The following FGF12 variants were observed in gnomAD, a reference collection of about 807,000 sequenced individuals.
FGF12 encodes fibroblast growth factor 12.
Under a neutral mutation model 23.6 loss-of-function variants are expected in FGF12, and 14 were observed. The observed-to-expected ratio is 0.59, with a 90% CI of 0.39 to 0.93. FGF12 has a LOEUF of 0.93. Among genes scored for constraint, FGF12 ranks in the 40% least tolerant of loss-of-function variants. FGF12 has a pLI of 0.00. For synonymous variants in FGF12, 62 were observed against 77.3 expected (o/e 0.80, Z 1.04); for missense variants, 175 against 217.8 (o/e 0.80, Z 1.24).
At chr3:192,433,565 T>C (rs1231764352) in intron 2 of FGF12, among the ~76,000 whole-genome samples, 5 of 152,200 alleles carry the variant, frequency 3.3e-5, no homozygotes, top group Non-Finnish European at 7.3e-5. Flanking sequence ...AACATAAATG[T>C]TAACAATATT....
intron 5 of FGF12, among the ~76,000 whole-genome samples, chr3:192,156,055 T>C (rs1435222456): frequency 6.6e-6 from 1 of 152,134 alleles, no homozygotes; most frequent in Non-Finnish European, 1.5e-5. Context: ...GGTGCTAGAA[T>C]TTTTTTTAAA....
At chr3:192,306,332 A>G (rs1025603864) in intron 4 of FGF12, among the ~76,000 whole-genome samples, 14 of 152,106 alleles carry the variant, frequency 9.2e-5, no homozygotes, top group Non-Finnish European at 1.5e-5. Flanking sequence ...AACCAGGTAT[A>G]CATAAAAACG....
At chr3:192,620,240 A>G (rs548804822) in intron 2 of FGF12, among the ~76,000 whole-genome samples, 79 of 69,312 alleles carry the variant, frequency 1.1e-3, no homozygotes, top group African/African-American at 4.0e-3. Context: ...TTACACACAC[A>G]CGCGCGCGCG....
At chr3:192,457,594 C>A (rs531045797) in intron 2 of FGF12, among the ~76,000 whole-genome samples, 2 of 152,138 alleles carry the variant, frequency 1.3e-5, no homozygotes, top group South Asian at 4.2e-4. Context: ...AGGTATCTGG[C>A]GGAAGAAATT....
chr3:192,255,355 G>A (rs1476507247), intron 4 of FGF12, among the ~76,000 whole-genome samples: 1 of 151,890 alleles, frequency 6.6e-6, no homozygotes, highest in Non-Finnish European at 1.5e-5. Flanking sequence ...TGGGGGAGAG[G>A]TATACTAATT....
chr3:192,403,613 A>G (rs1720849045), intron 2 of FGF12, among the ~76,000 whole-genome samples: 1 of 151,730 alleles, frequency 6.6e-6, no homozygotes, highest in Non-Finnish European at 1.5e-5. Context: ...TAGTTCAGAT[A>G]TGAGTCATAC....
intron 4 of FGF12, among the ~76,000 whole-genome samples, chr3:192,228,883 C>A (rs186759928): frequency 6.6e-6 from 1 of 152,166 alleles, no homozygotes; most frequent in South Asian, 2.1e-4. Flanking sequence ...CTAGACACTA[C>A]GAGAGCCAAT....
chr3:192,233,304 T>C (rs1719119641), intron 4 of FGF12, among the ~76,000 whole-genome samples: 1 of 152,210 alleles, frequency 6.6e-6, no homozygotes, highest in Non-Finnish European at 1.5e-5. Context: ...CTAATGTTAG[T>C]GATGTTGAAC....
At chr3:192,203,827 C>T (rs1049883143) in intron 4 of FGF12, among the ~76,000 whole-genome samples, 1 of 152,044 alleles carries the variant, frequency 6.6e-6, no homozygotes, top group Non-Finnish European at 1.5e-5. Context: ...TGGTCTTGAA[C>T]TTTTGGCCTT....
intron 2 of FGF12, among the ~76,000 whole-genome samples, chr3:192,621,153 A>G (rs1714961481): frequency 6.6e-6 from 1 of 152,094 alleles, no homozygotes; most frequent in South Asian, 2.1e-4. Flanking sequence ...CCAAAATGAT[A>G]TGTGCGCTTT....
At chr3:192,615,924 A>G (rs1714738125) in intron 2 of FGF12, among the ~76,000 whole-genome samples, 1 of 151,918 alleles carries the variant, frequency 6.6e-6, no homozygotes, top group African/African-American at 2.4e-5. Flanking sequence ...AAAGTACATC[A>G]AAATATCACA....
intron 2 of FGF12, among the ~76,000 whole-genome samples, chr3:192,521,810 C>T (rs1175983005): frequency 1.3e-5 from 2 of 152,056 alleles, no homozygotes; most frequent in African/African-American, 2.4e-5. Context: ...TGTATATTTT[C>T]CCCCCAAGAG....
chr3:192,649,228 C>A (rs955075418), intron 2 of FGF12, among the ~76,000 whole-genome samples: 2 of 152,098 alleles, frequency 1.3e-5, no homozygotes, highest in Non-Finnish European at 2.9e-5. Context: ...TATCCCTTAT[C>A]CAACAGTAGA....
At chr3:192,167,450 T>C (rs1715231648) in intron 5 of FGF12, among the ~76,000 whole-genome samples, 1 of 151,718 alleles carries the variant, frequency 6.6e-6, no homozygotes, top group East Asian at 1.9e-4. Flanking sequence ...AGCAAAACAC[T>C]GGGAGAGAGG....
At chr3:192,245,229 A>C (rs1159988284) in intron 4 of FGF12, among the ~76,000 whole-genome samples, 1 of 136,244 alleles carries the variant, frequency 7.3e-6, no homozygotes, top group Non-Finnish European at 1.6e-5. Context: ...CCAGGTAGCT[A>C]AGACCATGAG....
Position 192,159,774 on chromosome 3 carries a change from G to A in FGF12, c.427+10684C>T, listed in dbSNP as rs148758945. Among the ~76,000 whole-genome samples, 509 of 152,154 alleles carry A rather than the reference G, an allele frequency of 3.3e-3. 1 individual carries two copies. The highest frequency in any genetic ancestry group is 0.011 in the African/African-American group (438 of 41,478). ...CACTAGAGAGGATGATTTGCTATTG[G>A]TATCCTGAACATAGAGGCTATAGAT... On this transcript the variant is annotated intron_variant, in intron 5 of 5. Transcript: ENST00000445105.
At chr3:192,250,210 T>G (rs1174380561) in intron 4 of FGF12, among the ~76,000 whole-genome samples, 1 of 152,188 alleles carries the variant, frequency 6.6e-6, no homozygotes, top group Non-Finnish European at 1.5e-5. Flanking sequence ...TTTCTGTTTA[T>G]TCTGGTAACT....
intron 3 of FGF12, 32 bp from the exon 4 acceptor site, chr3:192,335,496 C>G: frequency 7.6e-7 from 1 of 1,317,258 alleles, no homozygotes; most frequent in South Asian, 1.2e-5. Context: ...CGGAAAGGAT[C>G]AGTGACCTTT....
At chr3:192,437,827 A>G (rs995465781) in intron 2 of FGF12, among the ~76,000 whole-genome samples, 14 of 152,148 alleles carry the variant, frequency 9.2e-5, no homozygotes, top group African/African-American at 3.4e-4. Flanking sequence ...CCTCTCACTT[A>G]AAGTCTCCAG....
Sources: gnomAD v4.1 joint callset for allele counts (sites outside exome capture counted in the v4.1 genomes callset) on GRCh38, gnomAD v4.1.1 for gene constraint, MANE v1.5 for transcripts, NCBI Gene and HGNC (gene_info 2026-07-23, HGNC 2026-07-21) for gene names.